NOP56: variants seen among roughly 807,000 people sequenced by gnomAD.
NOP56 encodes the protein nucleolar protein 56.
Under a neutral mutation model 58.3 loss-of-function variants are expected in NOP56, and 31 were observed. The observed-to-expected ratio is 0.53, with a 90% CI of 0.40 to 0.72. NOP56 has a LOEUF of 0.72. Among genes scored for constraint, NOP56 ranks in the 30% least tolerant of loss-of-function variants. NOP56 has a pLI of 0.00. For synonymous variants in NOP56, 313 were observed against 282.8 expected (o/e 1.11, Z -1.07); for missense variants, 669 against 739.9 (o/e 0.90, Z 1.11).
At position 2,655,430 on chromosome 20, in the gene NOP56, G is replaced by A. The variant is rs763834414; in HGVS notation, c.675G>A (p.Glu225=). The A allele has an allele frequency of 1.2e-6, 2 of 1,614,066 alleles. No individual in the cohort carries two copies. The highest frequency in any genetic ancestry group is 8.5e-7 in the Non-Finnish European group (1 of 1,180,032). ...QFIGNRRELN[E]DKLEKLEELT... ...TTGGAAACCGAAGGGAACTGAATGAGGACAAGCTGGAGAAGCTGGAGGAGC... is the reference window on the plus strand; with the variant it reads ...TTGGAAACCGAAGGGAACTGAATGAAGACAAGCTGGAGAAGCTGGAGGAGC... The change falls in exon 6 of 12, where the codon GAG becomes GAA. Residue 225 remains glutamate (E), a synonymous_variant. Coordinates refer to ENST00000329276, the MANE Select transcript of NOP56 (RefSeq NM_006392.4).
In NOP56 at chr20:2,657,367, C is replaced by G. The variant is rs776088463; in HGVS notation, c.1419+149C>G. 26 of 1,152,186 alleles carry G rather than the reference C, an allele frequency of 2.3e-5. No homozygotes were observed. The African/African-American group carries it at 3.7e-4, about 16-fold the overall frequency. The allele number at this position is 1,152,186 out of a possible 1,614,324, so 71.4% of individuals were successfully genotyped here. On this transcript the variant is annotated intron_variant, in intron 11 of 11. Transcript: ENST00000329276. ...AAACATCTAAAACTACCTCTTGATT[C>G]TATAGGAAGGAGATAGGTGCTGAAC...
At position 2,654,874 on chromosome 20, in the gene NOP56, A is replaced by G; in HGVS notation, c.496A>G (p.Asn166Asp). ...TAAGTTTAATGTGAACCGGGTGGAC[A>G]ATATGATCATCCAGTCCATTAGCCT... ...KVKFNVNRVD[N>D]MIIQSISLLD... is the part of the protein sequence containing the mutation. Residue 166 changes from asparagine (N) to aspartate (D), a missense_variant, in exon 5 of 12, where the codon AAT becomes GAT. Asn to Asp is a conservative substitution (Grantham distance 23, BLOSUM62 1). Around this residue, in one of 3 missense-constraint regions of NOP56, gnomAD observed 339 missense variants for 430.5 expected, o/e 0.79. Coordinates refer to ENST00000329276, the MANE Select transcript of NOP56 (RefSeq NM_006392.4). The G allele has an allele frequency of 1.2e-6, 2 of 1,614,194 alleles. No homozygotes were observed. The highest frequency in any genetic ancestry group is 2.2e-5 in the East Asian group (1 of 44,884).
At position 2,658,222 on chromosome 20, in the gene NOP56, G is replaced by C. The variant is rs1302280010; in HGVS notation, c.1713G>C (p.Gly571=). ...KFSKEEPVSS[G]PEEAVGKSSS... ...CCAAAGAGGAGCCGGTCAGCAGTGGGCCTGAAGAGGCGGTTGGCAAGAGCA... is the reference window on the plus strand; with the variant it reads ...CCAAAGAGGAGCCGGTCAGCAGTGGCCCTGAAGAGGCGGTTGGCAAGAGCA... Residue 571 remains glycine (G), a synonymous_variant, in exon 12 of 12, where the codon GGG becomes GGC. Coordinates refer to ENST00000329276, the MANE Select transcript of NOP56 (RefSeq NM_006392.4). The C allele has an allele frequency of 6.2e-7, 1 of 1,603,710 alleles. No individual in the cohort carries two copies. Among genetic ancestry groups the C allele is most frequent in the East Asian group, 2.2e-5 (1 of 44,702 alleles).
intron 11 of NOP56, 190 bp downstream of exon 11, chr20:2,657,408 G>A (rs2086840118): frequency 1.1e-6 from 1 of 877,794 alleles, no homozygotes; most frequent in African/African-American, 1.7e-5. Context: ...CAAGAGCCCA[G>A]AGAGCTGGTT....
At chr20:2,653,483 C>G in intron 3 of NOP56, 90 bp downstream of exon 3, 1 of 1,061,848 alleles carries the variant, frequency 9.4e-7, no homozygotes, top group Non-Finnish European at 1.5e-6. Context: ...CCGTCCTTGG[C>G]TGGCTCTGAG....
chr20:2,655,171 G>C, intron 5 of NOP56, 154 bp from the exon 6 acceptor site: 1 of 1,120,664 alleles, frequency 8.9e-7, no homozygotes, highest in South Asian at 1.2e-5. Flanking sequence ...CCCTGTGCCT[G>C]GTCTGTATTG....
chr20:2,653,447 T>C, intron 3 of NOP56, 54 bp downstream of exon 3: 1 of 1,457,926 alleles, frequency 6.9e-7, no homozygotes. Flanking sequence ...TTCGGTATCC[T>C]CTCGGGCAGC....
chr20:2,653,096 T>C, intron 2 of NOP56, 165 bp downstream of exon 2: 2 of 765,582 alleles, frequency 2.6e-6, no homozygotes, highest in Non-Finnish European at 4.2e-6. Context: ...ATGGGTAGAA[T>C]CGCTCTAGCA....
chr20:2,655,646 G>C lies in NOP56; in HGVS notation c.809G>C (p.Arg270Pro). 3.7e-6 allele frequency: 6 copies of C among 1,614,136 alleles called. No homozygotes were observed. The highest frequency in any genetic ancestry group is 5.1e-6 in the Non-Finnish European group (6 of 1,180,026). ...DLINIESFSSRVVSLSEYRQS... is the reference protein window; with the variant it reads ...DLINIESFSSPVVSLSEYRQS... ...ATAAACATCGAGAGCTTCTCCAGTC[G>C]TGTGGTGTCTTTATCTGAATACCGC... is the stretch of plus-strand genomic sequence containing the variant. The change falls in exon 7 of 12, where the codon CGT becomes CCT. Residue 270 changes from arginine (R) to proline (P), a missense_variant. Coordinates refer to ENST00000329276, the MANE Select transcript of NOP56 (RefSeq NM_006392.4).
intron 5 of NOP56, 72 bp downstream of exon 5, chr20:2,655,019 G>A: frequency 6.4e-7 from 1 of 1,561,842 alleles, no homozygotes; most frequent in Non-Finnish European, 8.8e-7. Context: ...GTCTTGATGA[G>A]GACTGACCAT....
chr20:2,653,427 T>G (rs761292777), intron 3 of NOP56, 34 bp downstream of exon 3: 2 of 1,564,130 alleles, frequency 1.3e-6, no homozygotes, highest in South Asian at 2.2e-5. Context: ...CACAGAGAGA[T>G]GTGGTTCCTT....
At chr20:2,653,477 C>A in intron 3 of NOP56, 84 bp downstream of exon 3, 1 of 1,104,036 alleles carries the variant, frequency 9.1e-7, no homozygotes, top group Non-Finnish European at 1.4e-6. Flanking sequence ...TATTTGCCGT[C>A]CTTGGCTGGC....
chr20:2,656,899 A>G lies in NOP56; in HGVS notation c.1281+4A>G. 2 of 1,614,132 alleles carry G rather than the reference A, an allele frequency of 1.2e-6. No homozygotes were observed. Among genetic ancestry groups the G allele is most frequent in the Non-Finnish European group, 1.7e-6 (2 of 1,180,008 alleles). On this transcript the variant is annotated splice_donor_region_variant and intron_variant, in intron 10 of 11. Coordinates refer to ENST00000329276, the MANE Select transcript of NOP56 (RefSeq NM_006392.4). ...CATGAAGGAAGCAATGGTTCAGGTC[A>G]GTTGGGCTTTGCTGGGTGTGGAGTG...
chr20:2,657,867 T>C, intron 11 of NOP56, 62 bp from the exon 12 acceptor site: 1 of 1,508,384 alleles, frequency 6.6e-7, no homozygotes, highest in South Asian at 1.4e-5. Context: ...CCTTGGCTAC[T>C]TAATTGCTGA....
intron 5 of NOP56, 95 bp downstream of exon 5, chr20:2,655,042 A>AC: frequency 6.8e-7 from 1 of 1,474,162 alleles, no homozygotes. Context: ...TGTGGGTAGA[A>AC]CCATGTGGGC....
At position 2,652,678 on chromosome 20, in the gene NOP56, CGGG is replaced by C; in HGVS notation, c.3+17_3+19del. ...CTGGCGCCATGGTGAGGAGTGGTTG[CGGG>C]GCGCGGGCGACGCGACGGTGGGGGT... On this transcript the variant is annotated intron_variant, in intron 1 of 11. Transcript: ENST00000329276. 2 of 1,450,272 alleles carry C rather than the reference CGGG, an allele frequency of 1.4e-6. No homozygotes were observed. The highest frequency in any genetic ancestry group is 1.8e-6 in the Non-Finnish European group (2 of 1,109,694). 89.8% of individuals were successfully genotyped at this position (1,450,272 alleles called of 1,614,324 possible).
In NOP56 at chr20:2,652,890, G is replaced by T. The variant is rs1050934252; in HGVS notation, c.52G>T (p.Ala18Ser). The change falls in exon 2 of 12, where the codon GCG becomes TCG. Residue 18 changes from alanine (A) to serine (S), a missense_variant. This residue lies in a region of NOP56 where 121 missense variants were observed against 113.1 expected (regional missense o/e 1.07). Coordinates refer to ENST00000329276, the MANE Select transcript of NOP56 (RefSeq NM_006392.4). ...FEHAVGYALL[A>S]LKEVEEISLL... is the part of the protein sequence containing the mutation. ...GCACGCGGTCGGCTACGCGCTGCTGGCGCTGAAGGAAGTGGAGGAGATCAG... is the reference window on the plus strand; with the variant it reads ...GCACGCGGTCGGCTACGCGCTGCTGTCGCTGAAGGAAGTGGAGGAGATCAG... 2 of 1,610,832 alleles carry T rather than the reference G, an allele frequency of 1.2e-6. No individual in the cohort carries two copies.
intron 2 of NOP56, 160 bp from the exon 3 acceptor site, chr20:2,653,119 C>T: frequency 1.3e-6 from 1 of 786,694 alleles, no homozygotes; most frequent in Non-Finnish European, 2.1e-6. Context: ...TAGAAATAAG[C>T]CTCCCGGACG....
In NOP56 at chr20:2,656,670, G is replaced by A. The variant is rs992496242; in HGVS notation, c.1160-104G>A. 6 of 1,607,764 alleles carry A rather than the reference G, an allele frequency of 3.7e-6. No individual in the cohort carries two copies. In the South Asian group the frequency reaches 4.4e-5, roughly 12 times the overall value. On this transcript the variant is annotated intron_variant, in intron 9 of 11. Transcript: ENST00000329276. Reference sequence around the variant, plus strand: ...TCGTCAACAGCAGTTCACCTAGTGAGTGTTGAGACTCTGGGTCTGAGTGAA... The same window carrying A: ...TCGTCAACAGCAGTTCACCTAGTGAATGTTGAGACTCTGGGTCTGAGTGAA...
Sources: gnomAD v4.1 joint callset for allele counts on GRCh38, gnomAD v4.1.1 for gene constraint, gnomAD v4.1.1 regional missense constraint, MANE v1.5 for transcripts, NCBI Gene and HGNC (gene_info 2026-07-23, HGNC 2026-07-21) for gene names.